The following EPB41 variants were observed in gnomAD, a reference collection of about 807,000 sequenced individuals.
EPB41 encodes erythrocyte membrane protein band 4.1.
Under a neutral mutation model 108.0 loss-of-function variants are expected in EPB41, and 65 were observed. The observed-to-expected ratio is 0.60, with a 90% CI of 0.49 to 0.74. The LOEUF (loss-of-function observed/expected upper bound fraction) is 0.74. Ranked by LOEUF, EPB41 falls within the 30% of genes least tolerant of loss-of-function variation. The probability of loss-of-function intolerance (pLI) is 0.00; values close to 1 mark genes in which losing one functional copy is unlikely to be tolerated. For synonymous variants in EPB41, 336 were observed against 358.9 expected, an observed-to-expected ratio of 0.94 and a Z score of 0.72; for missense variants, 875 against 1,037.0, an observed-to-expected ratio of 0.84 and a Z score of 2.15.
chr1:28,888,951 A>G (rs1355888867), intron 1 of EPB41, among the ~76,000 whole-genome samples: 2 of 152,154 alleles, frequency 1.3e-5, no homozygotes, highest in Non-Finnish European at 2.9e-5. Context: ...CTAAGCCAGG[A>G]GAAACTTTGC....
intron 1 of EPB41, among the ~76,000 whole-genome samples, chr1:28,977,219 C>T (rs556834254): frequency 6.6e-6 from 1 of 151,988 alleles, no homozygotes; most frequent in Non-Finnish European, 1.5e-5. Context: ...AATCATCAAA[C>T]TTCATCCCTA....
chr1:28,906,807 G>A (rs1258610364), intron 1 of EPB41, among the ~76,000 whole-genome samples: 46 of 146,244 alleles, frequency 3.1e-4, no homozygotes, highest in Admixed American at 2.1e-3. Context: ...ACGGAGTCTC[G>A]CTCTGTTGCC....
intron 1 of EPB41, among the ~76,000 whole-genome samples, chr1:28,947,032 C>T (rs2094509142): frequency 6.6e-6 from 1 of 152,134 alleles, no homozygotes; most frequent in Non-Finnish European, 1.5e-5. Flanking sequence ...GGCAGGGTAC[C>T]TAATTATTCA....
intron 1 of EPB41, among the ~76,000 whole-genome samples, chr1:28,962,596 T>C (rs887453433): frequency 6.6e-6 from 1 of 152,168 alleles, no homozygotes; most frequent in Admixed American, 6.5e-5. Flanking sequence ...CCCCAGCCCC[T>C]GCAACTCTAA....
intron 12 of EPB41, among the ~76,000 whole-genome samples, chr1:29,057,373 C>CAAAAA (rs72047998): frequency 6.0e-4 from 39 of 65,278 alleles, no homozygotes; most frequent in Admixed American, 8.6e-4. Flanking sequence ...GACTCTGTCT[C>CAAAAA]AAAAAAAAAA....
At chr1:29,075,875 C>T (rs1653836005) in intron 16 of EPB41, among the ~76,000 whole-genome samples, 1 of 152,152 alleles carries the variant, frequency 6.6e-6, no homozygotes. Context: ...TAATTCAATT[C>T]CTCTCTCTTC....
At chr1:28,990,038 C>G (rs1044006344) in intron 2 of EPB41, among the ~76,000 whole-genome samples, 1 of 151,986 alleles carries the variant, frequency 6.6e-6, no homozygotes, top group African/African-American at 2.4e-5. Flanking sequence ...AGGCGAATCA[C>G]AAGGTCAGGA....
At chr1:28,948,505 C>CAAAAAAAAAAA (rs34508731) in intron 1 of EPB41, among the ~76,000 whole-genome samples, 1 of 90,998 alleles carries the variant, frequency 1.1e-5, no homozygotes, top group East Asian at 3.1e-4. Flanking sequence ...GACTCCGTAT[C>CAAAAAAAAAAA]AAAAAAAAAA....
intron 1 of EPB41, among the ~76,000 whole-genome samples, chr1:28,980,208 C>T (rs934452447): frequency 1.3e-5 from 2 of 151,904 alleles, no homozygotes; most frequent in Non-Finnish European, 2.9e-5. Context: ...CTTGGTGGTG[C>T]GTGCTTGTAG....
upstream of EPB41, among the ~76,000 whole-genome samples, chr1:28,909,632 C>T (rs2092112248): frequency 6.6e-6 from 1 of 151,850 alleles, no homozygotes; most frequent in South Asian, 2.1e-4. Context: ...CTCATCTCTA[C>T]CAACAATAAA....
chr1:29,012,489 G>GTA (rs2149952736), intron 5 of EPB41, among the ~76,000 whole-genome samples: 1 of 152,234 alleles, frequency 6.6e-6, no homozygotes, highest in South Asian at 2.1e-4. Flanking sequence ...TAACTCTAAT[G>GTA]TATAGTCCCG....
intron 1 of EPB41, among the ~76,000 whole-genome samples, chr1:28,979,718 T>C (rs2095690580): frequency 6.9e-6 from 1 of 145,512 alleles, no homozygotes; most frequent in Admixed American, 6.7e-5. Flanking sequence ...TCCTCACTTT[T>C]TTTTTTTTTA....
chr1:28,966,476 T>C (rs1036705233), intron 1 of EPB41, among the ~76,000 whole-genome samples: 25 of 152,296 alleles, frequency 1.6e-4, no homozygotes, highest in African/African-American at 6.0e-4. Context: ...GATGAAACAA[T>C]GAACAAAACA....
chr1:28,923,008 G>T (rs2093206400), intron 1 of EPB41, among the ~76,000 whole-genome samples: 1 of 151,864 alleles, frequency 6.6e-6, no homozygotes, highest in Non-Finnish European at 1.5e-5. Flanking sequence ...GATTATAGGT[G>T]TGAGCCAACA....
intron 18 of EPB41, chr1:29,109,650 G>GT (rs1456159856): frequency 8.3e-6 from 5 of 601,790 alleles, no homozygotes; most frequent in Non-Finnish European, 9.0e-6. Context: ...TGCCTACTTA[G>GT]TAGTCTCCTA....
At chr1:29,096,218 G>C in intron 16 of EPB41, 2 of 985,870 alleles carry the variant, frequency 2.0e-6, no homozygotes, top group Non-Finnish European at 2.4e-6. Flanking sequence ...TACTAACCCT[G>C]ACTCTGAATG....
chr1:29,099,788 C>T (rs527689475), intron 17 of EPB41, among the ~76,000 whole-genome samples: 1 of 152,144 alleles, frequency 6.6e-6, no homozygotes, highest in Admixed American at 6.5e-5. Context: ...TGAGTGTTCA[C>T]AATATTAAGC....
At chr1:29,024,863 C>G (rs934373567) in intron 7 of EPB41, among the ~76,000 whole-genome samples, 1 of 151,954 alleles carries the variant, frequency 6.6e-6, no homozygotes, top group African/African-American at 2.4e-5. Flanking sequence ...GTGACCAGAA[C>G]ATTTAGGAGT....
At chr1:28,935,499 G>A (rs993127152) in intron 1 of EPB41, among the ~76,000 whole-genome samples, 2 of 76,552 alleles carry the variant, frequency 2.6e-5, no homozygotes, top group African/African-American at 9.0e-5. Flanking sequence ...CGCACTAACT[G>A]CTTATAACTG....
Sources: gnomAD v4.1 joint callset for allele counts (sites outside exome capture counted in the v4.1 genomes callset) on GRCh38, gnomAD v4.1.1 for gene constraint, MANE v1.5 for transcripts, NCBI Gene and HGNC (gene_info 2026-07-23, HGNC 2026-07-21) for gene names.